NIPBL: variants seen among roughly 807,000 people sequenced by gnomAD.
NIPBL encodes the protein NIPBL cohesin loading factor.
Under a neutral mutation model 321.8 loss-of-function variants are expected in NIPBL, and 19 were observed. That is an observed-to-expected ratio of 0.06 (90% CI 0.04 to 0.09). The LOEUF is 0.09. Ranked by LOEUF, NIPBL falls within the 10% of genes least tolerant of loss-of-function variation. NIPBL has a pLI of 1.00. For missense variants in NIPBL, 2,210 were observed against 3,327.0 expected (o/e 0.66, Z 8.26); for synonymous variants, 1,106 against 1,114.1 (o/e 0.99, Z 0.14).
At chr5:36,951,993 A>G (rs113981749) in intron 1 of NIPBL, among the ~76,000 whole-genome samples, 1 of 139,624 alleles carries the variant, frequency 7.2e-6, no homozygotes, top group African/African-American at 2.7e-5. Context: ...GATTCTATGG[A>G]TGCTTACTTT....
At chr5:36,944,625 A>G (rs996167772) in intron 1 of NIPBL, among the ~76,000 whole-genome samples, 1 of 152,062 alleles carries the variant, frequency 6.6e-6, no homozygotes, top group African/African-American at 2.4e-5. Flanking sequence ...GTACATCTCA[A>G]AAAGTTTCCA....
rs761030463 is a variant in NIPBL at position 37,038,609 on chromosome 5, C to T, written c.5979C>T (p.Asp1993=). Residue 1993 remains aspartate (D), a synonymous_variant, in exon 34 of 47, where the codon GAC becomes GAT. Coordinates refer to ENST00000282516, the MANE Select transcript of NIPBL (RefSeq NM_133433.4). ...CTCTGTTTGTTTTTCCAGACTCTGA[C>T]AATAAAGGTGTGAATTCTGGAAGAT... ...LKYEESLADS[D]NKGVNSGRLV... is the part of the protein sequence containing the mutation. 7.4e-6 allele frequency: 12 copies of T among 1,613,344 alleles called. No homozygotes were observed. The highest frequency in any genetic ancestry group is 1.3e-5 in the African/African-American group (1 of 74,876).
intron 1 of NIPBL, among the ~76,000 whole-genome samples, chr5:36,913,234 G>A (rs142825619): frequency 2.6e-5 from 4 of 152,076 alleles, no homozygotes; most frequent in East Asian, 1.9e-4. Context: ...GTCCTTTTAC[G>A]TAGGGTAAAG....
intron 1 of NIPBL, among the ~76,000 whole-genome samples, chr5:36,910,523 C>T (rs1269133141): frequency 6.6e-6 from 1 of 152,136 alleles, no homozygotes; most frequent in Admixed American, 6.5e-5. Context: ...TATTGTTCTT[C>T]CTGTCTTTAT....
chr5:37,013,372 G>A (rs1308956136), intron 21 of NIPBL, among the ~76,000 whole-genome samples: 1 of 151,890 alleles, frequency 6.6e-6, no homozygotes, highest in South Asian at 2.1e-4. Context: ...CCTTCCGGAC[G>A]AGGTGGCTGC....
At chr5:36,995,591 T>A in intron 10 of NIPBL, 31 bp from the exon 11 acceptor site, 1 of 1,231,502 alleles carries the variant, frequency 8.1e-7, no homozygotes, top group Non-Finnish European at 1.1e-6. Flanking sequence ...CAGATTTACA[T>A]TTTTTTTTTA....
rs1745090238 is a variant in NIPBL, at chr5:36,876,835, C to G, written c.-423C>G. ...ACACAGGGCTCCTTCCCCCCGCCCTCCCCCCCCTCCCTCCGTCGGTACCGA... is the reference window on the plus strand; with the variant it reads ...ACACAGGGCTCCTTCCCCCCGCCCTGCCCCCCCTCCCTCCGTCGGTACCGA... On this transcript the variant is annotated 5_prime_UTR_variant, in exon 1 of 47. Transcript: ENST00000282516. 1 of 190,040 alleles carries G rather than the reference C, an allele frequency of 5.3e-6. No individual in the cohort carries two copies. The allele number at this position is 190,040 out of a possible 1,614,324, so 11.8% of individuals were successfully genotyped here. A position where few individuals can be genotyped will look rare whatever the true frequency, so the allele number is the denominator to read the frequency against.
intron 11 of NIPBL, among the ~76,000 whole-genome samples, chr5:36,998,569 T>C (rs1014145579): frequency 6.6e-6 from 1 of 152,134 alleles, no homozygotes; most frequent in Non-Finnish European, 1.5e-5. Context: ...ACCAACACTT[T>C]GGGAGGCCGA....
intron 6 of NIPBL, among the ~76,000 whole-genome samples, chr5:36,968,141 A>G (rs1488830422): frequency 6.6e-6 from 1 of 151,360 alleles, no homozygotes; most frequent in African/African-American, 2.4e-5. Flanking sequence ...AAGCAGTGTT[A>G]TCAACCTATA....
At chr5:37,044,249 G>C (rs149792452) in intron 34 of NIPBL, 98 bp from the exon 35 acceptor site, 1 of 1,057,454 alleles carries the variant, frequency 9.5e-7, no homozygotes, top group Non-Finnish European at 1.4e-6. Flanking sequence ...GGACCTTTAC[G>C]TGCAAAATGC....
chr5:36,915,133 T>C (rs1360945261), intron 1 of NIPBL, among the ~76,000 whole-genome samples: 2 of 152,204 alleles, frequency 1.3e-5, no homozygotes, highest in African/African-American at 4.8e-5. Context: ...GTATAAATTC[T>C]AATGTAGTTC....
intron 21 of NIPBL, among the ~76,000 whole-genome samples, chr5:37,013,447 C>T (rs1445161243): frequency 6.6e-6 from 1 of 151,342 alleles, no homozygotes; most frequent in Non-Finnish European, 1.5e-5. Flanking sequence ...CCTCACTTCT[C>T]AGACGGGGCG....
At chr5:36,970,164 G>A (rs1742693383) in intron 6 of NIPBL, among the ~76,000 whole-genome samples, 1 of 151,972 alleles carries the variant, frequency 6.6e-6, no homozygotes, top group Admixed American at 6.6e-5. Flanking sequence ...TAAGGCAGAA[G>A]GATCATTTGA....
In NIPBL at chr5:36,985,992, A is replaced by G; in HGVS notation, c.2812A>G (p.Lys938Glu). The G allele has an allele frequency of 6.2e-7, 1 of 1,613,942 alleles. No homozygotes were observed. Among genetic ancestry groups the G allele is most frequent in the African/African-American group, 1.3e-5 (1 of 75,012 alleles). The change falls in exon 10 of 47, where the codon AAG (lysine) becomes GAG (glutamate). Residue 938 changes from lysine to glutamate, a missense_variant. Lys to Glu is a moderately conservative substitution (Grantham distance 56). Coordinates refer to ENST00000282516, the MANE Select transcript of NIPBL (RefSeq NM_133433.4). ...CACTAATAAAGCACACCCTGACAAT[A>G]AGGCAGAATTTCCAAGTTATTTGTT... ...VDTNKAHPDN[K>E]AEFPSYLLGG...
intron 15 of NIPBL, 30 bp downstream of exon 15, chr5:37,002,795 T>A (rs766735107): frequency 1.7e-6 from 2 of 1,207,534 alleles, no homozygotes; most frequent in Non-Finnish European, 2.5e-6. Flanking sequence ...TTTATAAATT[T>A]ACTTCATAGA....
intron 2 of NIPBL, among the ~76,000 whole-genome samples, chr5:36,954,341 C>T (rs1163883793): frequency 6.6e-6 from 1 of 152,152 alleles, no homozygotes; most frequent in Non-Finnish European, 1.5e-5. Flanking sequence ...CCTCCAAATA[C>T]AACTTTTCTG....
Position 36,985,499 on chromosome 5 carries a change from A to G in NIPBL, c.2319A>G (p.Thr773=). 1 of 1,613,612 alleles carries G rather than the reference A, an allele frequency of 6.2e-7. No homozygotes were observed. Reference sequence around the variant, plus strand: ...GGAGGGATTCTGGAAAGCCATCTACAGAGAAAAAACCTGAAGTGTCTAAAC... The same window carrying G: ...GGAGGGATTCTGGAAAGCCATCTACGGAGAAAAAACCTGAAGTGTCTAAAC... The part of the protein sequence containing the change: ...DNRRDSGKPS[T]EKKPEVSKHK... Residue 773 remains threonine, a synonymous_variant, in exon 10 of 47, where the codon ACA becomes ACG. Transcript: ENST00000282516.
At chr5:37,009,480 A>G (rs1413102374) in intron 20 of NIPBL, among the ~76,000 whole-genome samples, 4 of 152,174 alleles carry the variant, frequency 2.6e-5, no homozygotes, top group African/African-American at 9.7e-5. Context: ...TTCTTCTCTA[A>G]AATAATTATT....
chr5:37,048,434 C>T (rs760169389), intron 38 of NIPBL, 68 bp from the exon 39 acceptor site: 41 of 899,600 alleles, frequency 4.6e-5, no homozygotes, highest in Non-Finnish European at 6.2e-5. Flanking sequence ...AATTTATTAA[C>T]ATATTTATTA....
Sources: allele counts gnomAD v4.1 joint callset (sites outside exome capture counted in the v4.1 genomes callset), GRCh38; gene constraint gnomAD v4.1.1; transcripts MANE v1.5; gene names NCBI Gene and HGNC (gene_info 2026-07-23, HGNC 2026-07-21).